CTNNA3: variants seen among roughly 807,000 people sequenced by gnomAD.
CTNNA3 encodes the protein catenin alpha-3.
CTNNA3 carries 76 observed loss-of-function variants against 95.7 expected under a neutral mutation model. The ratio of observed to expected loss-of-function variants is 0.79; its 90% CI spans 0.66 to 0.96. The LOEUF is 0.96. Among genes scored for constraint, CTNNA3 ranks in the 40% least tolerant of loss-of-function variants. CTNNA3 has a pLI of 0.00. For missense variants in CTNNA3, 1,191 were observed against 1,089.8 expected (o/e 1.09, Z -1.31); for synonymous variants, 431 against 374.4 (o/e 1.15, Z -1.74).
At chr10:67,756,782 A>G (rs1841435864) in intron 1 of CTNNA3, among the ~76,000 whole-genome samples, 1 of 152,194 alleles carries the variant, frequency 6.6e-6, no homozygotes, top group African/African-American at 2.4e-5. Context: ...ACACAATATT[A>G]TGAATGTAAT....
chr10:66,761,323 A>C (rs1478473033), intron 9 of CTNNA3, among the ~76,000 whole-genome samples: 2 of 152,256 alleles, frequency 1.3e-5, no homozygotes, highest in South Asian at 2.1e-4. Context: ...AAAGGCTCCC[A>C]TGAAACTTAC....
At chr10:66,293,435 G>GAA (rs11374912) in intron 12 of CTNNA3, among the ~76,000 whole-genome samples, 2 of 150,848 alleles carry the variant, frequency 1.3e-5, no homozygotes, top group Non-Finnish European at 3.0e-5. Flanking sequence ...GTAAAACAGG[G>GAA]AAAAAAAAGC....
chr10:65,954,418 T>C (rs1184402336), intron 17 of CTNNA3, among the ~76,000 whole-genome samples: 4 of 152,222 alleles, frequency 2.6e-5, no homozygotes, highest in Non-Finnish European at 5.9e-5. Flanking sequence ...ATTTTGGCTT[T>C]TGTTGCCACT....
intron 2 of CTNNA3, among the ~76,000 whole-genome samples, chr10:67,633,854 T>C (rs913445745): frequency 4.6e-5 from 7 of 152,096 alleles, no homozygotes; most frequent in African/African-American, 9.7e-5. Context: ...CTATGACTGA[T>C]TGGAGTACCT....
intron 5 of CTNNA3, among the ~76,000 whole-genome samples, chr10:67,272,452 C>G (rs1427148750): frequency 1.3e-5 from 2 of 152,038 alleles, no homozygotes; most frequent in Non-Finnish European, 2.9e-5. Context: ...ACTTGGGAGG[C>G]TGAGATGGGA....
chr10:67,085,651 GTTTACC>G (rs1212448390), intron 7 of CTNNA3, among the ~76,000 whole-genome samples: 1 of 151,844 alleles, frequency 6.6e-6, no homozygotes, highest in African/African-American at 2.4e-5. Context: ...TAATGAGTTA[GTTTACC>G]TTTACATATT....
intron 7 of CTNNA3, chr10:67,098,243 A>G (rs2131935966): frequency 6.3e-6 from 1 of 157,940 alleles, no homozygotes; most frequent in African/African-American, 2.4e-5. Context: ...TGTGTTATTC[A>G]GAGTTACTCA....
intron 1 of CTNNA3, among the ~76,000 whole-genome samples, chr10:67,760,771 T>C (rs1288231046): frequency 6.6e-6 from 1 of 152,140 alleles, no homozygotes; most frequent in Admixed American, 6.5e-5. Context: ...CACAACCTAC[T>C]GTGATGTAGG....
chr10:67,431,638 A>C (rs1484622169), intron 5 of CTNNA3, among the ~76,000 whole-genome samples: 1 of 151,964 alleles, frequency 6.6e-6, no homozygotes, highest in Non-Finnish European at 1.5e-5. Context: ...GAAATAACCC[A>C]AAATGGACTC....
chr10:66,866,997 G>T (rs1269448203), intron 7 of CTNNA3, among the ~76,000 whole-genome samples: 2 of 152,060 alleles, frequency 1.3e-5, no homozygotes, highest in Admixed American at 6.6e-5. Flanking sequence ...GTTTTATAAG[G>T]GGTTTCTCCT....
At chr10:66,567,560 G>A (rs1044990982) in intron 10 of CTNNA3, among the ~76,000 whole-genome samples, 20 of 152,106 alleles carry the variant, frequency 1.3e-4, no homozygotes, top group African/African-American at 2.4e-4. Flanking sequence ...TAGAGACTGC[G>A]GTGAATCATT....
At position 66,619,733 on chromosome 10, in the gene CTNNA3, T is replaced by C. The variant is rs1448689023; in HGVS notation, c.1374+1959A>G. On this transcript the variant is annotated intron_variant, in intron 10 of 17. Transcript: ENST00000433211. ...ATAATAATAATAAAAACATAAAAAG[T>C]AAAAAATAAAAAAAAAGAAGCTGTC... 2.0e-5 allele frequency among the ~76,000 whole-genome samples: 3 copies of C among 149,488 alleles called. No homozygotes were observed. The East Asian group carries it at 5.9e-4, about 29-fold the overall frequency.
chr10:67,229,748 C>T (rs1224291018), intron 5 of CTNNA3, among the ~76,000 whole-genome samples: 1 of 152,046 alleles, frequency 6.6e-6, no homozygotes, highest in East Asian at 1.9e-4. Context: ...AAATAAAATA[C>T]CTAGGAATAT....
intron 13 of CTNNA3, among the ~76,000 whole-genome samples, chr10:66,238,661 G>A (rs1251669103): frequency 6.8e-6 from 1 of 146,670 alleles, no homozygotes; most frequent in East Asian, 2.0e-4. Context: ...ATCCCATTTT[G>A]GAATACTAAT....
intron 11 of CTNNA3, among the ~76,000 whole-genome samples, chr10:66,415,201 G>C (rs2093136992): frequency 6.6e-6 from 1 of 152,098 alleles, no homozygotes; most frequent in Non-Finnish European, 1.5e-5. Context: ...AGCCAGCCTA[G>C]CCCAGGTTTC....
intron 13 of CTNNA3, among the ~76,000 whole-genome samples, chr10:66,167,593 A>T (rs2131822520): frequency 1.3e-5 from 2 of 152,254 alleles, no homozygotes; most frequent in Middle Eastern, 3.4e-3. Context: ...AATTTTTGGC[A>T]AGGTAGAAAG....
intron 1 of CTNNA3, among the ~76,000 whole-genome samples, chr10:67,658,746 G>A (rs1236110983): frequency 2.0e-5 from 3 of 152,210 alleles, no homozygotes; most frequent in Non-Finnish European, 4.4e-5. Context: ...TGCACTAAGT[G>A]TGGGGAACTC....
chr10:67,232,618 C>G (rs1286411576), intron 5 of CTNNA3, among the ~76,000 whole-genome samples: 3 of 150,822 alleles, frequency 2.0e-5, no homozygotes, highest in African/African-American at 7.3e-5. Flanking sequence ...AGCAAAATAA[C>G]CAGCTAACAT....
intron 1 of CTNNA3, among the ~76,000 whole-genome samples, chr10:67,666,449 A>G (rs1431083390): frequency 1.3e-5 from 2 of 152,298 alleles, no homozygotes; most frequent in Non-Finnish European, 2.9e-5. Flanking sequence ...ATTTCACTTT[A>G]GAAAACATTT....
Sources: gnomAD v4.1 joint callset for allele counts (sites outside exome capture counted in the v4.1 genomes callset) on GRCh38, gnomAD v4.1.1 for gene constraint, MANE v1.5 for transcripts, NCBI Gene and HGNC (gene_info 2026-07-23, HGNC 2026-07-21) for gene names.